ATG13: variants seen among roughly 807,000 people sequenced by gnomAD.
ATG13 encodes the protein autophagy related 13, also known as autophagy-related protein 13.
In ATG13, 23 loss-of-function variants were observed where a neutral mutation model predicts 65.5. The ratio of observed to expected loss-of-function variants is 0.35; its 90% CI spans 0.25 to 0.50. The LOEUF (loss-of-function observed/expected upper bound fraction) is 0.50. Ranked by LOEUF, ATG13 falls within the 20% of genes least tolerant of loss-of-function variation. ATG13 has a pLI of 0.98. For synonymous variants in ATG13, 252 were observed against 245.2 expected, an observed-to-expected ratio of 1.03 and a Z score of -0.26; for missense variants, 566 against 677.0, an observed-to-expected ratio of 0.84 and a Z score of 1.82.
Position 46,665,453 on chromosome 11 carries a change from A to G in ATG13, c.1070A>G (p.Asp357Gly). ...CAGCCTGTCCATGGTACCCAGGCTGACCAGGAGAGACTGGCAACCTGCACC... is the reference window on the plus strand; with the variant it reads ...CAGCCTGTCCATGGTACCCAGGCTGGCCAGGAGAGACTGGCAACCTGCACC... ...PNQPVHGTQA[D>G]QERLATCTPS... Residue 357 changes from aspartate to glycine, a missense_variant, in exon 14 of 19, where the codon GAC (aspartate) becomes GGC (glycine). Transcript: ENST00000683050. The G allele has an allele frequency of 6.2e-7, 1 of 1,614,212 alleles. No homozygotes were observed. The highest frequency in any genetic ancestry group is 8.5e-7 in the Non-Finnish European group (1 of 1,180,024).
intron 2 of ATG13, among the ~76,000 whole-genome samples, chr11:46,638,803 C>T (rs2054876253): frequency 6.6e-6 from 1 of 151,662 alleles, no homozygotes; most frequent in African/African-American, 2.4e-5. Flanking sequence ...ATATATTCCT[C>T]TTTTTTTGTT....
At chr11:46,643,687 C>A (rs1222170212) in intron 2 of ATG13, among the ~76,000 whole-genome samples, 1 of 150,780 alleles carries the variant, frequency 6.6e-6, no homozygotes, top group Non-Finnish European at 1.5e-5. Flanking sequence ...AATTCCTTGG[C>A]TCAAGCAGTC....
chr11:46,637,847 G>T (rs1388495832), intron 2 of ATG13, among the ~76,000 whole-genome samples: 1 of 152,122 alleles, frequency 6.6e-6, no homozygotes, highest in South Asian at 2.1e-4. Flanking sequence ...CTGGCGGCAG[G>T]CTGACTAGAA....
chr11:46,648,999 A>C, intron 5 of ATG13, 138 bp from the exon 6 acceptor site: 1 of 638,146 alleles, frequency 1.6e-6, no homozygotes, highest in Non-Finnish European at 2.5e-6. Flanking sequence ...TATTTAGAGA[A>C]GAGGCTTGTT....
At chr11:46,623,066 G>A (rs1263723617) in intron 1 of ATG13, among the ~76,000 whole-genome samples, 3 of 152,064 alleles carry the variant, frequency 2.0e-5, no homozygotes, top group South Asian at 2.1e-4. Flanking sequence ...AGGCCAAGGC[G>A]GGCGGATCAC....
chr11:46,652,074 C>G (rs2059018851), intron 7 of ATG13, among the ~76,000 whole-genome samples: 1 of 152,068 alleles, frequency 6.6e-6, no homozygotes, highest in African/African-American at 2.4e-5. Flanking sequence ...TAGCGAAACA[C>G]TGTCTCTACT....
intron 3 of ATG13, 71 bp from the exon 4 acceptor site, chr11:46,645,268 T>C: frequency 2.2e-6 from 3 of 1,375,694 alleles, no homozygotes; most frequent in South Asian, 1.3e-5. Flanking sequence ...ATTTTAACCC[T>C]GATCGGGAGC....
chr11:46,618,078 G>A (rs1289604312), intron 1 of ATG13, among the ~76,000 whole-genome samples, 188 bp downstream of exon 1: 1 of 152,148 alleles, frequency 6.6e-6, no homozygotes, highest in Non-Finnish European at 1.5e-5. Context: ...TGCTTGTTTG[G>A]CAGAGAATCC....
At chr11:46,634,441 C>T (rs2053188119) in intron 2 of ATG13, among the ~76,000 whole-genome samples, 1 of 151,044 alleles carries the variant, frequency 6.6e-6, no homozygotes, top group South Asian at 2.1e-4. Context: ...TTTTGTCGCC[C>T]AGGCTGGAGT....
chr11:46,645,893 C>A lies in ATG13; in HGVS notation c.174C>A (p.Ile58=). 2 of 1,614,152 alleles carry A rather than the reference C, an allele frequency of 1.2e-6. No homozygotes were observed. The highest frequency in any genetic ancestry group is 1.7e-6 in the Non-Finnish European group (2 of 1,180,004). Residue 58 remains isoleucine (I), a synonymous_variant, in exon 5 of 19, where the codon ATC becomes ATA. Coordinates refer to ENST00000683050, the MANE Select transcript of ATG13 (RefSeq NM_001346311.2). ...AGTTCAACTTAGCAATCAAAGACATCCCAGAGGTTACACATGAAGCAAAGA... is the reference window on the plus strand; with the variant it reads ...AGTTCAACTTAGCAATCAAAGACATACCAGAGGTTACACATGAAGCAAAGA... ...SDWFNLAIKD[I]PEVTHEAKKA... is the part of the protein sequence containing the mutation.
chr11:46,626,041 C>T (rs558982577), intron 1 of ATG13, among the ~76,000 whole-genome samples: 3 of 151,420 alleles, frequency 2.0e-5, no homozygotes, highest in Non-Finnish European at 4.4e-5. Flanking sequence ...CTGCAAGCTC[C>T]GTCTCCCAGG....
intron 1 of ATG13, among the ~76,000 whole-genome samples, chr11:46,629,558 G>A (rs1278341230): frequency 6.6e-6 from 1 of 151,496 alleles, no homozygotes; most frequent in African/African-American, 2.4e-5. Flanking sequence ...CATCACGCCC[G>A]GCTAATTTTT....
chr11:46,656,834 TATAA>T, intron 8 of ATG13: 1 of 453,952 alleles, frequency 2.2e-6, no homozygotes. Flanking sequence ...TAGCTTTATC[TATAA>T]ATAGAGTGCT....
At chr11:46,672,154 G>A in intron 18 of ATG13, 101 bp from the exon 19 acceptor site, 1 of 1,577,634 alleles carries the variant, frequency 6.3e-7, no homozygotes, top group South Asian at 1.1e-5. Context: ...AGCTAGGGCT[G>A]AGCTTCGTCT....
chr11:46,633,682 G>A (rs933661338), intron 2 of ATG13, among the ~76,000 whole-genome samples: 20 of 152,000 alleles, frequency 1.3e-4, no homozygotes, highest in Non-Finnish European at 2.5e-4. Flanking sequence ...ATGGTGTTGC[G>A]AGTTTATAGT....
chr11:46,653,985 A>G (rs910198145), intron 7 of ATG13, among the ~76,000 whole-genome samples: 3 of 152,128 alleles, frequency 2.0e-5, no homozygotes, highest in Non-Finnish European at 4.4e-5. Context: ...TTTGAATTCA[A>G]ACTTTTTGCT....
intron 11 of ATG13, among the ~76,000 whole-genome samples, chr11:46,663,066 C>G (rs941173252): frequency 2.0e-5 from 3 of 152,038 alleles, no homozygotes; most frequent in African/African-American, 7.2e-5. Context: ...GAGATCGAGA[C>G]CATCCTGGCT....
chr11:46,647,318 C>T (rs1308163175), intron 5 of ATG13, among the ~76,000 whole-genome samples: 2 of 144,834 alleles, frequency 1.4e-5, no homozygotes, highest in Non-Finnish European at 3.0e-5. Context: ...GACAGAGTCG[C>T]GTAGGTTGGA....
At chr11:46,625,713 A>T (rs1202554308) in intron 1 of ATG13, among the ~76,000 whole-genome samples, 1 of 151,946 alleles carries the variant, frequency 6.6e-6, no homozygotes, top group Non-Finnish European at 1.5e-5. Flanking sequence ...CAGGGAACAG[A>T]GATTAACCTG....
Sources: gnomAD v4.1 joint callset for allele counts (sites outside exome capture counted in the v4.1 genomes callset) on GRCh38, gnomAD v4.1.1 for gene constraint, MANE v1.5 for transcripts, NCBI Gene and HGNC (gene_info 2026-07-23, HGNC 2026-07-21) for gene names.